Variants in SLCO3A1 observed in about 807,000 individuals in gnomAD.
SLCO3A1 encodes PGE1 transporter.
In SLCO3A1, 27 loss-of-function variants were observed where a neutral mutation model predicts 63.1. The ratio of observed to expected loss-of-function variants is 0.43; its 90% CI spans 0.32 to 0.59. SLCO3A1 has a LOEUF of 0.59. SLCO3A1 is among the 20% of genes least tolerant of loss of function. The pLI is 0.09. For synonymous variants in SLCO3A1, 473 were observed against 409.9 expected, an observed-to-expected ratio of 1.15 and a Z score of -1.86; for missense variants, 773 against 945.8, an observed-to-expected ratio of 0.82 and a Z score of 2.40.
chr15:92,128,693 T>G (rs181551481), intron 7 of SLCO3A1, among the ~76,000 whole-genome samples: 1 of 152,294 alleles, frequency 6.6e-6, no homozygotes, highest in Admixed American at 6.5e-5. Flanking sequence ...GAAGTCTCAT[T>G]GTGCAACTGA....
chr15:92,066,715 C>T (rs950683904), intron 2 of SLCO3A1, among the ~76,000 whole-genome samples: 14 of 152,212 alleles, frequency 9.2e-5, no homozygotes, highest in African/African-American at 2.9e-4. Flanking sequence ...AGACACCGCA[C>T]GGACTGTGCT....
chr15:91,896,791 C>G (rs1898015557), intron 1 of SLCO3A1, among the ~76,000 whole-genome samples: 1 of 152,122 alleles, frequency 6.6e-6, no homozygotes, highest in Non-Finnish European at 1.5e-5. Context: ...GGTGCTTTTT[C>G]TGGAGGGACA....
At chr15:92,169,407 C>T (rs2048509841), downstream of SLCO3A1, among the ~76,000 whole-genome samples, 1 of 152,244 alleles carries the variant, frequency 6.6e-6, no homozygotes, top group Admixed American at 6.5e-5. Context: ...CAAGAAGACC[C>T]TGGCCCGAGT....
At chr15:92,012,767 T>C (rs968239470) in intron 2 of SLCO3A1, among the ~76,000 whole-genome samples, 14 of 135,562 alleles carry the variant, frequency 1.0e-4, no homozygotes, top group Admixed American at 6.7e-4. Context: ...AAAAAAAGGC[T>C]CAGACGAGGC....
In SLCO3A1 at chr15:92,150,944, A is replaced by G. The variant is rs75366367; in HGVS notation, c.1689-6A>G. On this transcript the variant is annotated splice_region_variant and splice_polypyrimidine_tract_variant and intron_variant, in intron 8 of 9. Coordinates refer to ENST00000318445, the MANE Select transcript of SLCO3A1 (RefSeq NM_013272.4). ...TTTTTTTTTCTCTTCATCTCTTTGCACGTAGGACAGTCAGCCCTGAACTCA... is the reference window on the plus strand; with the variant it reads ...TTTTTTTTTCTCTTCATCTCTTTGCGCGTAGGACAGTCAGCCCTGAACTCA... The G allele has an allele frequency of 2.2e-3, 3,487 of 1,604,996 alleles. 70 individuals carry two copies. In the African/African-American group the frequency reaches 0.042, roughly 20 times the overall value.
chr15:92,094,355 C>T (rs16946365), intron 2 of SLCO3A1, among the ~76,000 whole-genome samples: 5,754 of 152,218 alleles, frequency 0.038, 126 homozygotes, highest in Admixed American at 0.057. Flanking sequence ...TATTTACCAT[C>T]GTGTGAACTT....
intron 2 of SLCO3A1, among the ~76,000 whole-genome samples, chr15:91,952,035 G>A (rs537991365): frequency 1.3e-5 from 2 of 152,202 alleles, no homozygotes; most frequent in East Asian, 1.9e-4. Flanking sequence ...TCACAGCCTC[G>A]CCAACACTTA....
chr15:91,958,775 G>A (rs115157807), intron 2 of SLCO3A1, among the ~76,000 whole-genome samples: 1 of 152,138 alleles, frequency 6.6e-6, no homozygotes, highest in African/African-American at 2.4e-5. Flanking sequence ...AACAATAAAT[G>A]TTGGCTTGGA....
intron 1 of SLCO3A1, among the ~76,000 whole-genome samples, chr15:91,893,755 G>A (rs991352904): frequency 5.3e-5 from 8 of 152,212 alleles, no homozygotes; most frequent in East Asian, 3.9e-4. Flanking sequence ...CTTTTAGGCC[G>A]GTACTTTTTC....
At chr15:92,013,881 C>T (rs988538250) in intron 2 of SLCO3A1, among the ~76,000 whole-genome samples, 5 of 152,030 alleles carry the variant, frequency 3.3e-5, no homozygotes, top group Non-Finnish European at 7.3e-5. Flanking sequence ...TGAGATTGCT[C>T]AAGAATATGC....
chr15:92,030,417 G>A (rs2046632200), intron 2 of SLCO3A1, among the ~76,000 whole-genome samples: 1 of 152,134 alleles, frequency 6.6e-6, no homozygotes, highest in African/African-American at 2.4e-5. Flanking sequence ...TGGTGGGCTG[G>A]CACAGGCCTG....
chr15:91,972,840 G>A (rs545193466), intron 2 of SLCO3A1, among the ~76,000 whole-genome samples: 14 of 152,318 alleles, frequency 9.2e-5, no homozygotes, highest in Middle Eastern at 3.4e-3. Flanking sequence ...GGACAGTGGG[G>A]CCGGGCATGG....
At chr15:91,978,639 A>G (rs1431808343) in intron 2 of SLCO3A1, among the ~76,000 whole-genome samples, 1 of 152,270 alleles carries the variant, frequency 6.6e-6, no homozygotes, top group East Asian at 1.9e-4. Context: ...CATGTGCCTT[A>G]GAATTTTCCC....
Position 91,942,499 on chromosome 15 carries a change from A to G in SLCO3A1, c.646+26041A>G, listed in dbSNP as rs1026909012. 6.6e-6 allele frequency among the ~76,000 whole-genome samples: 1 copy of G among 152,240 alleles called. No homozygotes were observed. The highest frequency in any genetic ancestry group is 2.4e-5 in the African/African-American group (1 of 41,460). On this transcript the variant is annotated intron_variant, in intron 2 of 9. Coordinates refer to ENST00000318445, the MANE Select transcript of SLCO3A1 (RefSeq NM_013272.4). The surrounding 1 kb of genome is among the most constrained non-coding windows in gnomAD (Gnocchi z 4.1). ...GGCCTGGAGTTGTGTGTCAGTGGCC[A>G]TCCCTCTTAGATTGACGATGCCCAG...
intron 2 of SLCO3A1, among the ~76,000 whole-genome samples, chr15:92,034,481 C>A (rs914361013): frequency 6.6e-6 from 1 of 151,350 alleles, no homozygotes; most frequent in Non-Finnish European, 1.5e-5. Context: ...CTTAACACTG[C>A]GAGGCTGGGC....
Position 92,163,556 on chromosome 15 carries a change from TAAAAA to T in SLCO3A1, c.*429_*433del. 1.4e-6 allele frequency: 1 copy of T among 716,110 alleles called. No individual in the cohort carries two copies. Among genetic ancestry groups the T allele is most frequent in the Non-Finnish European group, 1.6e-6 (1 of 617,960 alleles). 44.4% of individuals were successfully genotyped at this position (716,110 alleles called of 1,614,324 possible). A position where few individuals can be genotyped will look rare whatever the true frequency, so the allele number is the denominator to read the frequency against. ...AGAAGTTTCCTAAAATAAAAAAAAT[TAAAAA>T]AAAAAAACCCACAAGTTGAAAACAT... On this transcript the variant is annotated 3_prime_UTR_variant, in exon 10 of 10. Transcript: ENST00000318445.
intron 3 of SLCO3A1, among the ~76,000 whole-genome samples, chr15:92,103,265 T>C (rs1273391656): frequency 4.6e-5 from 7 of 152,086 alleles, no homozygotes; most frequent in Admixed American, 4.6e-4. Context: ...AGGGGCATGG[T>C]TTATTATCAA....
intron 5 of SLCO3A1, among the ~76,000 whole-genome samples, chr15:92,125,582 G>T (rs752962894): frequency 6.6e-6 from 1 of 151,980 alleles, no homozygotes; most frequent in East Asian, 1.9e-4. Context: ...AACAGCCTCC[G>T]TACTTTCCGT....
intron 2 of SLCO3A1, among the ~76,000 whole-genome samples, chr15:92,070,269 T>A (rs2047199280): frequency 6.6e-6 from 1 of 152,270 alleles, no homozygotes; most frequent in Non-Finnish European, 1.5e-5. Flanking sequence ...TTAAACAGCC[T>A]TGTACAATTA....
Sources: gnomAD v4.1 joint callset for allele counts (sites outside exome capture counted in the v4.1 genomes callset) on GRCh38, gnomAD v4.1.1 for gene constraint, Gnocchi (gnomAD v3.1) non-coding constraint, MANE v1.5 for transcripts, NCBI Gene and HGNC (gene_info 2026-07-23, HGNC 2026-07-21) for gene names.